Variants in RPL26L1 observed in about 807,000 individuals in gnomAD.
The protein encoded by RPL26L1 is ribosomal protein L26 like 1.
RPL26L1 carries 8 observed loss-of-function variants against 15.2 expected under a neutral mutation model. The ratio of observed to expected loss-of-function variants is 0.53; its 90% CI spans 0.31 to 0.95. RPL26L1 has a LOEUF of 0.95. Among genes scored for constraint, RPL26L1 ranks in the 40% least tolerant of loss-of-function variants. The pLI is 0.05. For missense variants in RPL26L1, 146 were observed against 190.9 expected, an observed-to-expected ratio of 0.76 and a Z score of 1.39; for synonymous variants, 51 against 65.9, an observed-to-expected ratio of 0.77 and a Z score of 1.09.
chr5:172,961,055 G>A (rs546908724), intron 2 of RPL26L1, among the ~76,000 whole-genome samples: 1 of 152,106 alleles, frequency 6.6e-6, no homozygotes, highest in Non-Finnish European at 1.5e-5. Flanking sequence ...TGCTCCCTGG[G>A]GGGCAAAATC....
chr5:172,968,712 T>G, intron 3 of RPL26L1, 113 bp downstream of exon 3: 1 of 1,180,124 alleles, frequency 8.5e-7, no homozygotes, highest in African/African-American at 1.5e-5. Flanking sequence ...CAGGTGGACT[T>G]GATTGATTCA....
chr5:172,960,259 A>G (rs1247375823), intron 2 of RPL26L1, among the ~76,000 whole-genome samples: 1 of 152,168 alleles, frequency 6.6e-6, no homozygotes, highest in Non-Finnish European at 1.5e-5. Flanking sequence ...ATAAAACAGT[A>G]TGTCAACCAA....
intron 3 of RPL26L1, 42 bp downstream of exon 3, chr5:172,968,641 G>A: frequency 6.2e-7 from 1 of 1,612,232 alleles, no homozygotes; most frequent in Non-Finnish European, 8.5e-7. Context: ...CATGGAGTGT[G>A]TCAATACTGT....
chr5:172,965,243 G>T (rs935453467), intron 2 of RPL26L1, among the ~76,000 whole-genome samples: 9 of 151,936 alleles, frequency 5.9e-5, no homozygotes, highest in Non-Finnish European at 1.2e-4. Flanking sequence ...TCTGCCACTG[G>T]GTGCTGCTCC....
chr5:172,969,375 G>A (rs1478383913), intron 3 of RPL26L1, 38 bp from the exon 4 acceptor site: 2 of 1,605,354 alleles, frequency 1.2e-6, no homozygotes, highest in East Asian at 2.2e-5. Context: ...AGCTGGTGGG[G>A]ATGCAGAAAT....
At chr5:172,966,822 T>C (rs1190068178) in intron 2 of RPL26L1, among the ~76,000 whole-genome samples, 1 of 151,744 alleles carries the variant, frequency 6.6e-6, no homozygotes, top group African/African-American at 2.4e-5. Flanking sequence ...ATGTGGTATC[T>C]CCTCTATGCT....
chr5:172,969,665 C>G lies in RPL26L1; in HGVS notation c.*124C>G. 1 of 979,044 alleles carries G rather than the reference C, an allele frequency of 1.0e-6. No individual in the cohort carries two copies. The highest frequency in any genetic ancestry group is 2.7e-5 in the East Asian group (1 of 37,384). The allele number at this position is 979,044 out of a possible 1,614,324, so 60.6% of individuals were successfully genotyped here. On this transcript the variant is annotated 3_prime_UTR_variant, in exon 4 of 4. Transcript: ENST00000265100. The stretch of plus-strand genomic sequence containing the variant: ...TTTTGTTACCTGTGCCTCTGTAAAT[C>G]TACTTTTGCAATTTTAAGTAATAAT...
chr5:172,958,598 G>A (rs748213282), upstream of RPL26L1: 2 of 353,698 alleles, frequency 5.7e-6, no homozygotes, highest in Non-Finnish European at 1.2e-5. Context: ...CGGAGGGGGC[G>A]TGGTTGATCT....
chr5:172,958,382 C>T, upstream of RPL26L1: 1 of 456,128 alleles, frequency 2.2e-6, no homozygotes, highest in Non-Finnish European at 4.4e-6. Context: ...CTGGGTGTGG[C>T]TGCTGTACTT....
chr5:172,960,074 A>G (rs1230718542), intron 2 of RPL26L1, 33 bp downstream of exon 2: 2 of 1,613,050 alleles, frequency 1.2e-6, no homozygotes, highest in East Asian at 4.5e-5. Context: ...TGGCGCTCGG[A>G]CACCGTTGCC....
intron 3 of RPL26L1, 48 bp from the exon 4 acceptor site, chr5:172,969,365 A>G (rs780890578): frequency 6.3e-7 from 1 of 1,598,000 alleles, no homozygotes; most frequent in Non-Finnish European, 8.6e-7. Flanking sequence ...ATTGCTCAAT[A>G]GCTGGTGGGG....
In RPL26L1 at chr5:172,959,990, G is replaced by A. The variant is rs1162576454; in HGVS notation, c.117G>A (p.Arg39=). The change falls in exon 2 of 4, where the codon CGG becomes CGA. Residue 39 remains arginine (R), a synonymous_variant. Transcript: ENST00000265100. Reference sequence around the variant, plus strand: ...CATCCCCGCTCTCCAAGGAGCTGCGGCAGAAGTACAATGTCCGCTCCATGC... The same window carrying A: ...CATCCCCGCTCTCCAAGGAGCTGCGACAGAAGTACAATGTCCGCTCCATGC... ...IMSSPLSKEL[R]QKYNVRSMPI... is the part of the protein sequence containing the mutation. 1 of 1,614,078 alleles carries A rather than the reference G, an allele frequency of 6.2e-7. No homozygotes were observed. Among genetic ancestry groups the A allele is most frequent in the African/African-American group, 1.3e-5 (1 of 74,938 alleles).
chr5:172,954,662 T>C (rs1764316177), upstream of RPL26L1: 2 of 262,688 alleles, frequency 7.6e-6, no homozygotes, highest in South Asian at 7.7e-5. Flanking sequence ...ACGGAACAAC[T>C]GAAGATTTTT....
At position 172,967,933 on chromosome 5, in the gene RPL26L1, T is replaced by TTA. The variant is rs948907496; in HGVS notation, c.169-517_169-516dup. 1.5e-4 allele frequency among the ~76,000 whole-genome samples: 22 copies of TTA among 151,626 alleles called. 1 individual carries two copies. The South Asian group carries it at 4.4e-3, about 30-fold the overall frequency. On this transcript the variant is annotated intron_variant, in intron 2 of 3. Coordinates refer to ENST00000265100, the MANE Select transcript of RPL26L1 (RefSeq NM_016093.4). Reference sequence around the variant, plus strand: ...CATATACGCACATATGTAATATATATTATATATATACACACACACATACAC... The same window carrying TTA: ...CATATACGCACATATGTAATATATATTATATATATATACACACACACATACAC...
intron 2 of RPL26L1, among the ~76,000 whole-genome samples, chr5:172,963,123 A>G (rs1755307132): frequency 6.6e-6 from 1 of 152,000 alleles, no homozygotes. Context: ...CACGCCTGTA[A>G]TCCCGACACT....
At chr5:172,967,934 T>A (rs572053126) in intron 2 of RPL26L1, among the ~76,000 whole-genome samples, 14 of 151,558 alleles carry the variant, frequency 9.2e-5, no homozygotes, top group Admixed American at 7.3e-4. Flanking sequence ...TAATATATAT[T>A]ATATATATAC....
At chr5:172,965,819 C>T (rs1280056581) in intron 2 of RPL26L1, among the ~76,000 whole-genome samples, 1 of 152,320 alleles carries the variant, frequency 6.6e-6, no homozygotes, top group South Asian at 2.1e-4. Flanking sequence ...ATGACTCCCA[C>T]GTCTCTATTG....
intron 2 of RPL26L1, 85 bp downstream of exon 2, chr5:172,960,126 C>T (rs1755173315): frequency 1.3e-6 from 2 of 1,510,064 alleles, no homozygotes; most frequent in African/African-American, 2.7e-5. Context: ...TCACATGCCT[C>T]AGGACTCTGG....
chr5:172,954,466 G>A (rs941861573), upstream of RPL26L1, among the ~76,000 whole-genome samples: 4 of 151,512 alleles, frequency 2.6e-5, no homozygotes, highest in African/African-American at 4.9e-5. Flanking sequence ...GGGAGGCTGC[G>A]GTGGGGGCAG....
Sources: allele counts gnomAD v4.1 joint callset (sites outside exome capture counted in the v4.1 genomes callset), GRCh38; gene constraint gnomAD v4.1.1; transcripts MANE v1.5; gene names NCBI Gene and HGNC (gene_info 2026-07-23, HGNC 2026-07-21).